MNAT1: variants seen among roughly 807,000 people sequenced by gnomAD.
MNAT1 encodes the protein CDK-activating kinase assembly factor MAT1.
Under a neutral mutation model 42.0 loss-of-function variants are expected in MNAT1, and 43 were observed. That is an observed-to-expected ratio of 1.02 (90% CI 0.80 to 1.32). The LOEUF (loss-of-function observed/expected upper bound fraction) is 1.32, where lower values mean the gene tolerates loss of function less well. Among genes scored for constraint, MNAT1 ranks in the 40% most tolerant of loss-of-function variants. MNAT1 has a pLI of 0.00. For synonymous variants in MNAT1, 118 were observed against 120.0 expected (o/e 0.98, Z 0.11); for missense variants, 306 against 350.4 (o/e 0.87, Z 1.01).
At chr14:60,967,586 T>G (rs1209354686) in intron 7 of MNAT1, among the ~76,000 whole-genome samples, 1 of 152,192 alleles carries the variant, frequency 6.6e-6, no homozygotes, top group Non-Finnish European at 1.5e-5. Flanking sequence ...CAGAAAAAAA[T>G]TGTACTGTTA....
intron 6 of MNAT1, among the ~76,000 whole-genome samples, chr14:60,847,011 G>A (rs566027605): frequency 1.3e-5 from 2 of 152,118 alleles, no homozygotes; most frequent in South Asian, 4.2e-4. Flanking sequence ...TGTATTTTGA[G>A]ACTCCTTTTG....
intron 5 of MNAT1, among the ~76,000 whole-genome samples, chr14:60,818,136 G>T (rs1320542468): frequency 6.6e-6 from 1 of 151,900 alleles, no homozygotes; most frequent in African/African-American, 2.4e-5. Flanking sequence ...GTATTAAAAT[G>T]TGTCTGAGTG....
chr14:60,896,040 A>T (rs140269751), intron 7 of MNAT1, among the ~76,000 whole-genome samples: 1 of 152,214 alleles, frequency 6.6e-6, no homozygotes, highest in Non-Finnish European at 1.5e-5. Flanking sequence ...AACCAAAAGA[A>T]TACTGCGTTG....
intron 7 of MNAT1, among the ~76,000 whole-genome samples, chr14:60,888,896 G>T (rs1386456457): frequency 7.0e-6 from 1 of 142,666 alleles, no homozygotes; most frequent in Non-Finnish European, 1.5e-5. Flanking sequence ...TAGAAGGGAT[G>T]TGAAGGACCT....
chr14:60,755,425 A>G (rs1310635178), intron 1 of MNAT1, among the ~76,000 whole-genome samples: 1 of 152,144 alleles, frequency 6.6e-6, no homozygotes, highest in Non-Finnish European at 1.5e-5. Flanking sequence ...TACAGGCGTG[A>G]GCCACTGTGC....
chr14:60,951,385 T>C (rs2139605079), intron 7 of MNAT1, among the ~76,000 whole-genome samples: 1 of 151,916 alleles, frequency 6.6e-6, no homozygotes, highest in East Asian at 1.9e-4. Context: ...ATTTGCTTCT[T>C]GCTGAAACAT....
chr14:60,770,312 T>C (rs1329569424), intron 1 of MNAT1, among the ~76,000 whole-genome samples: 5 of 152,142 alleles, frequency 3.3e-5, no homozygotes, highest in African/African-American at 1.2e-4. Context: ...TATAGTATCC[T>C]TATCTATTCA....
intron 7 of MNAT1, among the ~76,000 whole-genome samples, chr14:60,894,074 A>C (rs1186907237): frequency 2.0e-5 from 3 of 152,102 alleles, no homozygotes; most frequent in African/African-American, 7.2e-5. Flanking sequence ...AATCTTGGGC[A>C]CAGGGCTGTT....
chr14:60,804,966 A>G (rs966615427), intron 3 of MNAT1, among the ~76,000 whole-genome samples: 8 of 152,204 alleles, frequency 5.3e-5, no homozygotes, highest in African/African-American at 1.7e-4. Context: ...ACATACTAGT[A>G]GAGCTCTACA....
chr14:60,854,937 G>A (rs2033917264), intron 6 of MNAT1, among the ~76,000 whole-genome samples: 1 of 152,184 alleles, frequency 6.6e-6, no homozygotes, highest in Non-Finnish European at 1.5e-5. Context: ...TCCATCAGGT[G>A]CTCTGTCCCA....
At chr14:60,851,188 G>A (rs1468831794) in intron 6 of MNAT1, among the ~76,000 whole-genome samples, 1 of 152,146 alleles carries the variant, frequency 6.6e-6, no homozygotes, top group Admixed American at 6.5e-5. Context: ...CAAAGCCTTG[G>A]ATGAACTCAT....
chr14:60,811,041 G>A, intron 4 of MNAT1, among the ~76,000 whole-genome samples: 1 of 151,878 alleles, frequency 6.6e-6, no homozygotes, highest in East Asian at 1.9e-4. Context: ...GTTTATAATT[G>A]TTATATCTTT....
intron 7 of MNAT1, among the ~76,000 whole-genome samples, chr14:60,918,184 T>A (rs2035570453): frequency 7.0e-6 from 1 of 143,350 alleles, no homozygotes. Context: ...GAAGGATCAA[T>A]CCAATTAATT....
chr14:60,736,720 T>C (rs1896318975), intron 1 of MNAT1, among the ~76,000 whole-genome samples: 1 of 152,204 alleles, frequency 6.6e-6, no homozygotes, highest in Non-Finnish European at 1.5e-5. Flanking sequence ...CTTAGGGAAA[T>C]GACTAACTCT....
chr14:60,809,713 G>A (rs2032485355), intron 4 of MNAT1, among the ~76,000 whole-genome samples: 1 of 151,990 alleles, frequency 6.6e-6, no homozygotes, highest in Non-Finnish European at 1.5e-5. Context: ...TTCCTGCTTG[G>A]TTATGTTGTA....
At chr14:60,806,948 G>C (rs1232091577) in intron 3 of MNAT1, among the ~76,000 whole-genome samples, 1 of 152,166 alleles carries the variant, frequency 6.6e-6, no homozygotes, top group Non-Finnish European at 1.5e-5. Context: ...ACTAGAGTGT[G>C]ATTTATGAAG....
At chr14:60,928,801 ATATATCT>A (rs2035818787) in intron 7 of MNAT1, among the ~76,000 whole-genome samples, 1 of 151,974 alleles carries the variant, frequency 6.6e-6, no homozygotes, top group African/African-American at 2.4e-5. Flanking sequence ...TGCCATATAT[ATATATCT>A]TATAATTCTT....
intron 3 of MNAT1, among the ~76,000 whole-genome samples, chr14:60,802,413 A>G (rs892245546): frequency 2.0e-5 from 3 of 152,198 alleles, no homozygotes; most frequent in Admixed American, 6.5e-5. Flanking sequence ...CAGTGAATAC[A>G]TATATCAAAA....
intron 7 of MNAT1, among the ~76,000 whole-genome samples, chr14:60,928,200 C>A (rs538818345): frequency 4.0e-4 from 61 of 152,208 alleles, no homozygotes; most frequent in Non-Finnish European, 7.8e-4. Flanking sequence ...TGTTTCATTT[C>A]TTTTTATTGC....
Sources: gnomAD v4.1 joint callset for allele counts (sites outside exome capture counted in the v4.1 genomes callset) on GRCh38, gnomAD v4.1.1 for gene constraint, MANE v1.5 for transcripts, NCBI Gene and HGNC (gene_info 2026-07-23, HGNC 2026-07-21) for gene names.